The following TTC6 variants were observed in gnomAD, a reference collection of about 807,000 sequenced individuals.
The protein encoded by TTC6 is tetratricopeptide repeat protein 6.
A neutral mutation model predicts 210.4 loss-of-function variants in TTC6; 172 were observed. The ratio of observed to expected loss-of-function variants is 0.82; its 90% CI spans 0.72 to 0.93. The LOEUF (loss-of-function observed/expected upper bound fraction) is 0.93. Among genes scored for constraint, TTC6 ranks in the 40% least tolerant of loss-of-function variants. The pLI is 0.00. For synonymous variants in TTC6, 804 were observed against 819.6 expected, an observed-to-expected ratio of 0.98 and a Z score of 0.32; for missense variants, 2,414 against 2,318.1, an observed-to-expected ratio of 1.04 and a Z score of -0.85.
chr14:37,651,978 G>A (rs1333818189), intron 1 of TTC6, among the ~76,000 whole-genome samples: 1 of 152,160 alleles, frequency 6.6e-6, no homozygotes, highest in African/African-American at 2.4e-5. Context: ...TCAGTGATGT[G>A]ATACAACTAA....
At chr14:37,685,095 T>C (rs967098503) in intron 3 of TTC6, among the ~76,000 whole-genome samples, 1 of 152,174 alleles carries the variant, frequency 6.6e-6, no homozygotes, top group Non-Finnish European at 1.5e-5. Context: ...ATAGAAATAA[T>C]AGTGATTCTG....
At chr14:37,649,940 A>G (rs1356385912) in intron 1 of TTC6, among the ~76,000 whole-genome samples, 1 of 152,238 alleles carries the variant, frequency 6.6e-6, no homozygotes, top group Admixed American at 6.5e-5. Flanking sequence ...TTTCAAATAG[A>G]TTTTTAATTA....
intron 15 of TTC6, 76 bp from the exon 18 acceptor site, chr14:37,790,641 G>A: frequency 8.2e-7 from 1 of 1,220,730 alleles, no homozygotes; most frequent in Non-Finnish European, 1.1e-6. Flanking sequence ...GCAATAGGAA[G>A]TTTACAGACT....
In TTC6 at chr14:37,622,469, GC is replaced by G; in HGVS notation, c.410del (p.Pro137GlnfsTer23). On this transcript the variant is annotated frameshift_variant, in exon 1 of 31. Coordinates refer to ENST00000553443, the Ensembl canonical transcript of TTC6. LOFTEE classifies it high-confidence loss of function. ...TCCTACGGCACCAGGCCCTGAAAAA[GC>G]CCCCAGTCATCGCCTCGGGGTTCGG... 1 of 1,535,134 alleles carries G rather than the reference GC, an allele frequency of 6.5e-7. No individual in the cohort carries two copies. Among genetic ancestry groups the G allele is most frequent in the Non-Finnish European group, 8.7e-7 (1 of 1,146,494 alleles).
chr14:37,840,796 T>A (rs2096208218), intron 29 of TTC6, among the ~76,000 whole-genome samples: 1 of 152,174 alleles, frequency 6.6e-6, no homozygotes, highest in Non-Finnish European at 1.5e-5. Context: ...GTGGCCTTCT[T>A]TTCTATTTTA....
chr14:37,628,589 G>A (rs1179458975), intron 1 of TTC6, among the ~76,000 whole-genome samples: 3 of 152,160 alleles, frequency 2.0e-5, no homozygotes, highest in African/African-American at 7.2e-5. Context: ...TTGTTTTGCT[G>A]TGCAGAAGCT....
intron 5 of TTC6, among the ~76,000 whole-genome samples, chr14:37,707,089 GAT>G (rs894113429): frequency 5.9e-5 from 9 of 151,660 alleles, no homozygotes; most frequent in African/African-American, 2.2e-4. Flanking sequence ...ATCATTATCT[GAT>G]ATCTAATCTT....
At chr14:37,618,151 G>A (rs2095645698), upstream of TTC6, among the ~76,000 whole-genome samples, 3 of 152,188 alleles carry the variant, frequency 2.0e-5, no homozygotes, top group South Asian at 6.2e-4. Context: ...CGTTCCAACA[G>A]GAGAAATAGA....
At chr14:37,668,507 T>G (rs1024556819) in intron 1 of TTC6, among the ~76,000 whole-genome samples, 2 of 150,824 alleles carry the variant, frequency 1.3e-5, no homozygotes, top group African/African-American at 2.4e-5. Context: ...AGGCATGCAC[T>G]TCTCATAGTA....
At chr14:37,670,155 C>CAGAG (rs2095755482) in intron 1 of TTC6, among the ~76,000 whole-genome samples, 1 of 152,166 alleles carries the variant, frequency 6.6e-6, no homozygotes, top group Admixed American at 6.5e-5. Flanking sequence ...AGGGGACTTA[C>CAGAG]AGAGTTTCTC....
chr14:37,704,973 A>C (rs1335825944), intron 5 of TTC6, among the ~76,000 whole-genome samples: 1 of 152,126 alleles, frequency 6.6e-6, no homozygotes, highest in African/African-American at 2.4e-5. Flanking sequence ...AAATTCCAAC[A>C]TGTTATTGAG....
At chr14:37,831,740 G>A (rs904054881) in intron 29 of TTC6, among the ~76,000 whole-genome samples, 13 of 110,486 alleles carry the variant, frequency 1.2e-4, no homozygotes, top group African/African-American at 3.7e-4. Context: ...TTGGCCGTCT[G>A]TTATGTCTTT....
intron 1 of TTC6, among the ~76,000 whole-genome samples, chr14:37,596,748 A>G (rs775253505): frequency 2.1e-4 from 27 of 131,292 alleles, no homozygotes; most frequent in Non-Finnish European, 3.1e-4. Flanking sequence ...AAAGTAATTA[A>G]GAATCCGCAA....
intron 14 of TTC6, among the ~76,000 whole-genome samples, chr14:37,774,153 A>G (rs1034587270): frequency 1.3e-5 from 2 of 152,150 alleles, no homozygotes; most frequent in African/African-American, 4.8e-5. Context: ...GATCAATGAA[A>G]TTTTGGGCAG....
chr14:37,781,437 A>G (rs1168904411), intron 14 of TTC6, among the ~76,000 whole-genome samples: 1 of 151,560 alleles, frequency 6.6e-6, no homozygotes, highest in Non-Finnish European at 1.5e-5. Flanking sequence ...TTTTTTGAAA[A>G]GTGTTCATAT....
rs1347835411 is a variant in TTC6, at chr14:37,784,910, G to A, written c.3267-2558G>A. ...TTGTTTGGCTGGATATGAAATTCTG[G>A]GTTGAAAATTCTTTTCTTTAAGAAT... On this transcript the variant is annotated intron_variant, in intron 14 of 30. Transcript: ENST00000553443. Among the ~76,000 whole-genome samples the A allele has an allele frequency of 2.6e-5, 4 of 152,114 alleles. 1 individual carries two copies. Among genetic ancestry groups the A allele is most frequent in the Admixed American group, 2.6e-4 (4 of 15,264 alleles).
chr14:37,706,712 A>G (rs1477743434), intron 5 of TTC6, among the ~76,000 whole-genome samples: 3 of 152,122 alleles, frequency 2.0e-5, no homozygotes, highest in Admixed American at 1.3e-4. Context: ...GTGTGGGAGA[A>G]AATTCAAGAA....
intron 20 of TTC6, among the ~76,000 whole-genome samples, chr14:37,800,028 A>G (rs971680537): frequency 6.6e-6 from 1 of 152,176 alleles, no homozygotes; most frequent in African/African-American, 2.4e-5. Context: ...TGCAGCAACA[A>G]GAAAATAATA....
At chr14:37,739,387 G>C (rs1015234170) in intron 10 of TTC6, among the ~76,000 whole-genome samples, 2 of 151,728 alleles carry the variant, frequency 1.3e-5, no homozygotes, top group Non-Finnish European at 2.9e-5. Context: ...GACCAGCCTG[G>C]CCAACATGGT....
Sources: allele counts gnomAD v4.1 joint callset (sites outside exome capture counted in the v4.1 genomes callset), GRCh38; gene constraint gnomAD v4.1.1; transcripts MANE v1.5; gene names NCBI Gene and HGNC (gene_info 2026-07-23, HGNC 2026-07-21).